CDYL: variants seen among roughly 807,000 people sequenced by gnomAD.
CDYL encodes chromodomain Y-like protein.
CDYL carries 8 observed loss-of-function variants against 47.3 expected under a neutral mutation model. The observed-to-expected ratio is 0.17, with a 90% confidence interval of 0.10 to 0.31. The LOEUF (loss-of-function observed/expected upper bound fraction) is 0.31. CDYL is among the 10% of genes least tolerant of loss of function. CDYL has a pLI of 1.00. For synonymous variants in CDYL, 266 were observed against 265.0 expected, an observed-to-expected ratio of 1.00 and a Z score of -0.04; for missense variants, 471 against 701.4, an observed-to-expected ratio of 0.67 and a Z score of 3.71.
At chr6:4,750,363 C>T (rs992545084) in intron 3 of CDYL, among the ~76,000 whole-genome samples, 6 of 151,936 alleles carry the variant, frequency 3.9e-5, no homozygotes, top group Admixed American at 3.3e-4. Flanking sequence ...CCACCATGCC[C>T]GGCTAATTTT....
rs572480661 is a variant in CDYL, at chr6:4,953,796, G to T, written c.1477-102G>T. 2.7e-6 allele frequency: 3 copies of T among 1,109,916 alleles called. No homozygotes were observed. The South Asian group carries it at 4.8e-5, about 18-fold the overall frequency. The allele number at this position is 1,109,916 out of a possible 1,614,324, so 68.8% of individuals were successfully genotyped here. A position where few individuals can be genotyped will look rare whatever the true frequency, so the allele number is the denominator to read the frequency against. On this transcript the variant is annotated intron_variant, in intron 6 of 6. Transcript: ENST00000397588. ...ATGTCTGGTAACCTTTTTAACAGGT[G>T]ATTGCTGGAATTTGATGATTGCCTC... is the stretch of plus-strand genomic sequence containing the variant.
At chr6:4,888,569 T>G (rs1761959380) in intron 1 of CDYL, among the ~76,000 whole-genome samples, 2 of 152,214 alleles carry the variant, frequency 1.3e-5, no homozygotes, top group Non-Finnish European at 2.9e-5. Flanking sequence ...TTTTGTTAAT[T>G]TTTTTAAAAG....
intron 2 of CDYL, 25 bp downstream of exon 2, chr6:4,892,404 G>T (rs934457187): frequency 3.8e-5 from 60 of 1,568,450 alleles, no homozygotes; most frequent in Non-Finnish European, 5.1e-5. Flanking sequence ...AGCTGCTCAG[G>T]CTCCGTGGTG....
At chr6:4,755,363 G>A (rs1428905083) in intron 3 of CDYL, among the ~76,000 whole-genome samples, 2 of 151,954 alleles carry the variant, frequency 1.3e-5, no homozygotes, top group African/African-American at 4.8e-5. Flanking sequence ...GAGCCACCAC[G>A]CCCGACCACC....
chr6:4,901,748 G>A (rs1166867909), intron 2 of CDYL, among the ~76,000 whole-genome samples: 1 of 152,148 alleles, frequency 6.6e-6, no homozygotes, highest in East Asian at 1.9e-4. Context: ...TCTGTGTCAA[G>A]TGAGTGAAAC....
chr6:4,913,624 C>T (rs1441720815), intron 2 of CDYL, among the ~76,000 whole-genome samples: 9 of 152,216 alleles, frequency 5.9e-5, no homozygotes, highest in Admixed American at 5.9e-4. Context: ...TTCCGGCCTT[C>T]CAGGGAACTC....
intron 3 of CDYL, among the ~76,000 whole-genome samples, chr6:4,744,206 T>C (rs1757847495): frequency 6.6e-6 from 1 of 152,122 alleles, no homozygotes; most frequent in South Asian, 2.1e-4. Context: ...ATAAAATTGC[T>C]AAATAGCTCA....
At chr6:4,726,627 C>T (rs1757519100) in intron 2 of CDYL, among the ~76,000 whole-genome samples, 1 of 150,714 alleles carries the variant, frequency 6.6e-6, no homozygotes, top group Non-Finnish European at 1.5e-5. Context: ...CTTGAGCCCA[C>T]AGTGGTTGCA....
At chr6:4,897,822 C>G (rs1277089190) in intron 2 of CDYL, among the ~76,000 whole-genome samples, 1 of 144,360 alleles carries the variant, frequency 6.9e-6, no homozygotes, top group African/African-American at 2.5e-5. Context: ...AGGCATGAGG[C>G]CAAGGCGGGC....
At chr6:4,855,701 C>T (rs1369273125) in intron 1 of CDYL, among the ~76,000 whole-genome samples, 3 of 152,204 alleles carry the variant, frequency 2.0e-5, no homozygotes, top group African/African-American at 7.2e-5. Context: ...TCACAATCTA[C>T]ACGTAAGCAT....
intron 1 of CDYL, among the ~76,000 whole-genome samples, chr6:4,824,902 A>G (rs1053396584): frequency 3.3e-5 from 5 of 150,838 alleles, no homozygotes; most frequent in African/African-American, 4.9e-5. Context: ...ACAGAGTCTC[A>G]CTCTGTTGCC....
chr6:4,741,922 C>G (rs535509259), intron 3 of CDYL, among the ~76,000 whole-genome samples: 1 of 152,298 alleles, frequency 6.6e-6, no homozygotes, highest in South Asian at 2.1e-4. Flanking sequence ...TCCAGAATCT[C>G]TAGGTGATGT....
intron 1 of CDYL, among the ~76,000 whole-genome samples, chr6:4,824,663 C>T (rs1759928969): frequency 6.6e-6 from 1 of 152,038 alleles, no homozygotes; most frequent in South Asian, 2.1e-4. Context: ...TTTATGTTGG[C>T]TTTTCACTTG....
chr6:4,845,313 G>T (rs1170477793), intron 1 of CDYL, among the ~76,000 whole-genome samples: 2 of 152,146 alleles, frequency 1.3e-5, no homozygotes, highest in African/African-American at 4.8e-5. Context: ...AAAACAAAAG[G>T]TTCCAAGTCA....
intron 3 of CDYL, among the ~76,000 whole-genome samples, chr6:4,762,246 T>C (rs1006713650): frequency 3.9e-5 from 6 of 152,212 alleles, no homozygotes; most frequent in Admixed American, 6.5e-5. Context: ...AGCTTTTAAT[T>C]CTTTCAAGCC....
chr6:4,834,181 C>T (rs1366332482), intron 1 of CDYL, among the ~76,000 whole-genome samples: 2 of 152,158 alleles, frequency 1.3e-5, no homozygotes, highest in Admixed American at 6.5e-5. Flanking sequence ...ATGGTCTTTA[C>T]ATTTTGGCAT....
At chr6:4,927,030 A>G (rs1036692101) in intron 2 of CDYL, among the ~76,000 whole-genome samples, 1 of 152,216 alleles carries the variant, frequency 6.6e-6, no homozygotes, top group Non-Finnish European at 1.5e-5. Flanking sequence ...CTTCAGAAGC[A>G]TAATAGCTAT....
chr6:4,838,450 GT>G (rs1280126234), intron 1 of CDYL, among the ~76,000 whole-genome samples: 2 of 152,084 alleles, frequency 1.3e-5, no homozygotes, highest in African/African-American at 4.8e-5. Flanking sequence ...ATGATCTCCA[GT>G]TCCATCCAGG....
intron 1 of CDYL, among the ~76,000 whole-genome samples, chr6:4,813,886 A>G (rs1486156679): frequency 4.0e-5 from 6 of 150,314 alleles, no homozygotes; most frequent in African/African-American, 1.2e-4. Flanking sequence ...CGATCCTTCC[A>G]CCTCAGCCTC....
Sources: allele counts gnomAD v4.1 joint callset (sites outside exome capture counted in the v4.1 genomes callset), GRCh38; gene constraint gnomAD v4.1.1; transcripts MANE v1.5; gene names NCBI Gene and HGNC (gene_info 2026-07-23, HGNC 2026-07-21).